CEP350: variants seen among roughly 807,000 people sequenced by gnomAD.
CEP350 encodes centrosomal protein 350.
A neutral mutation model predicts 331.8 loss-of-function variants in CEP350; 126 were observed. That is an observed-to-expected ratio of 0.38 (90% CI 0.33 to 0.44). The LOEUF (loss-of-function observed/expected upper bound fraction) is 0.44, where lower values mean the gene tolerates loss of function less well. CEP350 is among the 20% of genes least tolerant of loss of function. The pLI, the probability that CEP350 is intolerant of heterozygous loss-of-function variation, is 1.00. For synonymous variants in CEP350, 1,200 were observed against 1,259.5 expected, an observed-to-expected ratio of 0.95 and a Z score of 1.00; for missense variants, 3,406 against 3,634.6, an observed-to-expected ratio of 0.94 and a Z score of 1.62.
intron 30 of CEP350, among the ~76,000 whole-genome samples, chr1:180,082,188 T>C (rs1248116936): frequency 6.6e-6 from 1 of 152,234 alleles, no homozygotes; most frequent in African/African-American, 2.4e-5. Flanking sequence ...ATAACATTTG[T>C]AAGATACTGT....
At chr1:180,030,288 T>TAC (rs1334236823) in intron 14 of CEP350, among the ~76,000 whole-genome samples, 1 of 147,352 alleles carries the variant, frequency 6.8e-6, no homozygotes, top group East Asian at 1.9e-4. Context: ...AACGTATATA[T>TAC]ACACATAAGT....
chr1:179,990,697 G>A (rs1430035753), intron 4 of CEP350, 76 bp downstream of exon 4: 21 of 733,384 alleles, frequency 2.9e-5, no homozygotes, highest in Non-Finnish European at 3.7e-5. Context: ...TAGATCTACA[G>A]GGGTGTGCCA....
intron 15 of CEP350, among the ~76,000 whole-genome samples, chr1:180,031,739 C>A (rs1222859500): frequency 6.6e-6 from 1 of 152,014 alleles, no homozygotes; most frequent in Admixed American, 6.6e-5. Context: ...AATTCTCTCC[C>A]TCTAGCACAG....
chr1:180,033,817 A>C (rs1473715675), intron 15 of CEP350, 45 bp from the exon 16 acceptor site: 1 of 1,563,888 alleles, frequency 6.4e-7, no homozygotes. Flanking sequence ...TGGTTTACAA[A>C]GTACTTTTCC....
chr1:180,094,171 C>A lies in CEP350; in HGVS notation c.8066C>A (p.Thr2689Asn). 1 of 1,613,440 alleles carries A rather than the reference C, an allele frequency of 6.2e-7. No individual in the cohort carries two copies. The highest frequency in any genetic ancestry group is 2.2e-5 in the East Asian group (1 of 44,874). Reference sequence around the variant, plus strand: ...GCAGAAGATGACACTTTAGACAATACCTTTTCCGAAGAATTGGAGAAGCAA... The same window carrying A: ...GCAGAAGATGACACTTTAGACAATAACTTTTCCGAAGAATTGGAGAAGCAA... The part of the protein sequence containing the change: ...IAAEDDTLDN[T>N]FSEELEKQQQ... Residue 2689 changes from threonine (T) to asparagine (N), a missense_variant, in exon 34 of 38, where the codon ACC (threonine) becomes AAC (asparagine). Thr to Asn is a moderately conservative substitution (Grantham distance 65). Around this residue, in one of 5 missense-constraint regions of CEP350, gnomAD observed 1,415 missense variants for 1,512.3 expected, o/e 0.94. Transcript: ENST00000367607.
chr1:180,072,025 A>G (rs1304586814), intron 27 of CEP350, among the ~76,000 whole-genome samples: 1 of 152,118 alleles, frequency 6.6e-6, no homozygotes, highest in Non-Finnish European at 1.5e-5. Context: ...TTGAAGGATT[A>G]TTAATTCTAT....
In CEP350 at chr1:179,987,277, C is replaced by T; in HGVS notation, c.111C>T (p.Thr37=). ...CATCGTGGGATGCACTTTCTCAAAC[C>T]AAGGCTGCTGTAAGTAGTTTTAGCT... The part of the protein sequence containing the change: ...ITTSWDALSQ[T]KAALRHIENK... The change falls in exon 3 of 38, where the codon ACC becomes ACT. Residue 37 remains threonine (T), a synonymous_variant. Transcript: ENST00000367607. The T allele has an allele frequency of 2.6e-6, 4 of 1,556,722 alleles. No homozygotes were observed. Among genetic ancestry groups the T allele is most frequent in the Non-Finnish European group, 3.5e-6 (4 of 1,133,990 alleles).
chr1:179,980,092 G>A (rs1395275605), intron 1 of CEP350, among the ~76,000 whole-genome samples: 1 of 152,016 alleles, frequency 6.6e-6, no homozygotes, highest in Non-Finnish European at 1.5e-5. Flanking sequence ...ATTTTGATAA[G>A]GATTGTATTG....
At chr1:180,070,878 C>T (rs1402062105) in intron 27 of CEP350, among the ~76,000 whole-genome samples, 2 of 152,056 alleles carry the variant, frequency 1.3e-5, no homozygotes, top group Non-Finnish European at 1.5e-5. Context: ...GGCCAGGTGC[C>T]GTGGCTCACG....
intron 3 of CEP350, among the ~76,000 whole-genome samples, chr1:179,989,482 C>A (rs79252554): frequency 0.011 from 1,321 of 120,578 alleles, no homozygotes; most frequent in African/African-American, 0.011. Context: ...GACCCTGTCT[C>A]AAAAAAAAAA....
chr1:179,983,667 A>G (rs1016357806), intron 1 of CEP350, among the ~76,000 whole-genome samples: 8 of 152,244 alleles, frequency 5.3e-5, no homozygotes, highest in Admixed American at 4.6e-4. Context: ...TGGACTTAAT[A>G]GGTGAGCCCT....
chr1:179,991,719 A>G lies in CEP350; in HGVS notation c.236-343A>G, dbSNP rs1292384291. Among the ~76,000 whole-genome samples, 173 of 145,088 alleles carry G rather than the reference A, an allele frequency of 1.2e-3. 2 individuals are homozygous for G. Among genetic ancestry groups the G allele is most frequent in the African/African-American group, 4.1e-3 (164 of 39,598 alleles). On this transcript the variant is annotated intron_variant, in intron 4 of 37. Coordinates refer to ENST00000367607, the MANE Select transcript of CEP350 (RefSeq NM_014810.5). ...TGTGTGTGTGTGTGTATATATATAT[A>G]TATATACATTTTTTTTTAACCTGGG...
At chr1:179,969,084 A>C (rs1283948364) in intron 1 of CEP350, 1 of 698,242 alleles carries the variant, frequency 1.4e-6, no homozygotes, top group Non-Finnish European at 2.7e-6. Context: ...TGTAACACAG[A>C]GTCTCCTTTG....
At position 180,024,417 on chromosome 1, in the gene CEP350, A is replaced by C. The variant is rs1379035605; in HGVS notation, c.3387-2A>C. The C allele has an allele frequency of 6.2e-7, 1 of 1,605,214 alleles. No individual in the cohort carries two copies. The highest frequency in any genetic ancestry group is 1.3e-5 in the African/African-American group (1 of 74,628). Reference sequence around the variant, plus strand: ...GAACTACTATTATTTATTCTTTGACAGTAGCACTTTAAGCCCTCAGGAGGA... The same window carrying C: ...GAACTACTATTATTTATTCTTTGACCGTAGCACTTTAAGCCCTCAGGAGGA... On this transcript the variant is annotated splice_acceptor_variant, in intron 13 of 37. Coordinates refer to ENST00000367607, the MANE Select transcript of CEP350 (RefSeq NM_014810.5). LOFTEE classifies it high-confidence loss of function.
intron 6 of CEP350, among the ~76,000 whole-genome samples, chr1:180,000,990 C>G (rs1653829747): frequency 6.6e-6 from 1 of 152,116 alleles, no homozygotes; most frequent in Non-Finnish European, 1.5e-5. Flanking sequence ...TGCCTAATAA[C>G]TGAATAGATT....
At chr1:180,011,799 T>C in intron 8 of CEP350, 130 bp from the exon 9 acceptor site, 2 of 617,726 alleles carry the variant, frequency 3.2e-6, no homozygotes, top group East Asian at 3.1e-5. Flanking sequence ...TTTAAAAATA[T>C]CATTATATTG....
chr1:180,010,553 AT>A (rs1190730228), intron 8 of CEP350, among the ~76,000 whole-genome samples: 2 of 151,290 alleles, frequency 1.3e-5, no homozygotes, highest in African/African-American at 2.4e-5. Context: ...GTGCTACTAC[AT>A]TATTTTCATT....
Position 179,993,829 on chromosome 1 carries a change from T to G in CEP350, c.395+1608T>G, listed in dbSNP as rs116280830. Among the ~76,000 whole-genome samples, 710 of 152,328 alleles carry G rather than the reference T, an allele frequency of 4.7e-3. 8 individuals carry two copies. Among genetic ancestry groups the G allele is most frequent in the Admixed American group, 6.5e-3 (99 of 15,296 alleles). The stretch of plus-strand genomic sequence containing the variant: ...CCCTCCACCTGGTGGATTCCATTCC[T>G]CACTTAAAACTCTTATTACTTTCTG... On this transcript the variant is annotated intron_variant, in intron 5 of 37. Coordinates refer to ENST00000367607, the MANE Select transcript of CEP350 (RefSeq NM_014810.5).
chr1:180,095,921 C>T lies in CEP350; in HGVS notation c.8910C>T (p.Val2970=), dbSNP rs1660457377. The T allele has an allele frequency of 1.9e-6, 3 of 1,596,272 alleles. No homozygotes were observed. The South Asian group carries it at 3.4e-5, about 18-fold the overall frequency. ...GLDIESTSKR[V]YKQAVFDLTK... is the part of the protein sequence containing the mutation. ...ATATAGAAAGCACTAGTAAAAGGGT[C>T]TACAAACAGGTAGGTGAAATAAAAG... Residue 2970 remains valine (V), a synonymous_variant, in exon 35 of 38, where the codon GTC becomes GTT. Transcript: ENST00000367607.
Sources: gnomAD v4.1 joint callset for allele counts (sites outside exome capture counted in the v4.1 genomes callset) on GRCh38, gnomAD v4.1.1 for gene constraint, gnomAD v4.1.1 regional missense constraint, MANE v1.5 for transcripts, NCBI Gene and HGNC (gene_info 2026-07-23, HGNC 2026-07-21) for gene names.